The following NRXN3 variants were observed in gnomAD, a reference collection of about 807,000 sequenced individuals.
NRXN3 encodes the protein neurexin 3, also known as neurexin III.
Under a neutral mutation model 137.6 loss-of-function variants are expected in NRXN3, and 32 were observed. That is an observed-to-expected ratio of 0.23 (90% confidence interval 0.18 to 0.31). NRXN3 has a LOEUF of 0.31. Ranked by LOEUF, NRXN3 falls within the 10% of genes least tolerant of loss-of-function variation. The pLI is 1.00. For synonymous variants in NRXN3, 798 were observed against 784.5 expected (o/e 1.02, Z -0.29); for missense variants, 1,574 against 2,062.5 (o/e 0.76, Z 4.59).
intron 8 of NRXN3, among the ~76,000 whole-genome samples, chr14:78,731,621 G>A (rs1595288052): frequency 6.6e-6 from 1 of 150,848 alleles, no homozygotes; most frequent in Non-Finnish European, 1.5e-5. Context: ...GTGTGTGTGT[G>A]TGTGTGTCTC....
intron 15 of NRXN3, among the ~76,000 whole-genome samples, chr14:79,358,055 G>C (rs2093488203): frequency 1.3e-5 from 2 of 152,164 alleles, no homozygotes; most frequent in African/African-American, 4.8e-5. Context: ...ATACACAGGA[G>C]ACTGTGTAAT....
intron 4 of NRXN3, among the ~76,000 whole-genome samples, chr14:78,437,961 C>A (rs1472056011): frequency 6.6e-6 from 1 of 152,088 alleles, no homozygotes; most frequent in East Asian, 1.9e-4. Context: ...TTAGAAAGAT[C>A]TTTCTGGTGG....
chr14:78,376,648 A>C (rs2087904001), intron 4 of NRXN3, among the ~76,000 whole-genome samples: 1 of 152,226 alleles, frequency 6.6e-6, no homozygotes, highest in African/African-American at 2.4e-5. Flanking sequence ...AAAGAAGCTG[A>C]AAAGCTGGAA....
At chr14:79,462,956 T>G (rs2096372381) in intron 15 of NRXN3, among the ~76,000 whole-genome samples, 1 of 85,622 alleles carries the variant, frequency 1.2e-5, no homozygotes, top group Non-Finnish European at 2.2e-5. Flanking sequence ...AAGTGAATCT[T>G]AAGACAAGAA....
At chr14:78,335,071 C>G (rs771898511) in intron 4 of NRXN3, among the ~76,000 whole-genome samples, 9 of 152,114 alleles carry the variant, frequency 5.9e-5, no homozygotes, top group Non-Finnish European at 1.2e-4. Context: ...CAAGGCCACT[C>G]TTCTCTAGTT....
intron 15 of NRXN3, among the ~76,000 whole-genome samples, chr14:79,424,253 A>G (rs191538104): frequency 2.0e-5 from 3 of 152,320 alleles, no homozygotes; most frequent in East Asian, 3.9e-4. Context: ...ATTCATTAAA[A>G]CAAATATTAA....
chr14:79,866,621 G>C lies in NRXN3; in HGVS notation c.*4657G>C, dbSNP rs1378432565. ...GAAATCATGTCAATGAATGGGAAGA[G>C]AGAAATGGGAGAATAGCTTGAGAAG... On this transcript the variant is annotated 3_prime_UTR_variant, in exon 21 of 21. Transcript: ENST00000335750. The C allele has an allele frequency of 6.6e-6, 1 of 152,212 alleles. No individual in the cohort carries two copies. The highest frequency in any genetic ancestry group is 1.5e-5 in the Non-Finnish European group (1 of 68,046). The allele number at this position is 152,212 out of a possible 1,614,324, so 9.4% of individuals were successfully genotyped here. A position where few individuals can be genotyped will look rare whatever the true frequency, so the allele number is the denominator to read the frequency against.
At chr14:78,423,254 T>C (rs942313794) in intron 4 of NRXN3, among the ~76,000 whole-genome samples, 3 of 152,122 alleles carry the variant, frequency 2.0e-5, no homozygotes, top group Non-Finnish European at 4.4e-5. Flanking sequence ...ACATAGGCTA[T>C]TAGGGGAAGG....
At chr14:79,399,870 T>A (rs2095140031) in intron 15 of NRXN3, among the ~76,000 whole-genome samples, 1 of 152,090 alleles carries the variant, frequency 6.6e-6, no homozygotes, top group Non-Finnish European at 1.5e-5. Context: ...AGGGGAGAAT[T>A]CTTCCTTGCC....
At chr14:79,485,996 A>C (rs2153647048) in intron 16 of NRXN3, among the ~76,000 whole-genome samples, 1 of 152,208 alleles carries the variant, frequency 6.6e-6, no homozygotes, top group Admixed American at 6.5e-5. Flanking sequence ...TCCATAGTAC[A>C]TGAGCTCTTA....
intron 15 of NRXN3, among the ~76,000 whole-genome samples, chr14:79,346,576 A>G (rs924651197): frequency 2.6e-5 from 4 of 152,196 alleles, no homozygotes; most frequent in African/African-American, 9.7e-5. Context: ...AAATCTTTAC[A>G]TGATCACTGC....
chr14:78,526,113 C>T (rs774451552), intron 4 of NRXN3, among the ~76,000 whole-genome samples: 19 of 152,186 alleles, frequency 1.2e-4, no homozygotes, highest in East Asian at 3.9e-4. Context: ...CCTAGATAGC[C>T]GCATAATTAC....
chr14:78,427,649 T>C (rs1265148651), intron 4 of NRXN3, among the ~76,000 whole-genome samples: 2 of 152,184 alleles, frequency 1.3e-5, no homozygotes, highest in African/African-American at 4.8e-5. Flanking sequence ...TCATTGCTGA[T>C]GTCACAGAGC....
intron 4 of NRXN3, among the ~76,000 whole-genome samples, chr14:78,345,163 G>C (rs2082576826): frequency 6.6e-6 from 1 of 152,124 alleles, no homozygotes; most frequent in Non-Finnish European, 1.5e-5. Flanking sequence ...CCCACACTTG[G>C]GGGGCAGCTG....
intron 4 of NRXN3, among the ~76,000 whole-genome samples, chr14:78,619,824 G>A (rs2097382254): frequency 6.6e-6 from 1 of 152,032 alleles, no homozygotes; most frequent in Non-Finnish European, 1.5e-5. Flanking sequence ...GTTCTTTACA[G>A]CAGTAGAAAA....
At chr14:79,540,808 G>A (rs2097264839) in intron 16 of NRXN3, among the ~76,000 whole-genome samples, 1 of 152,204 alleles carries the variant, frequency 6.6e-6, no homozygotes, top group Non-Finnish European at 1.5e-5. Context: ...TGGCTAAGAG[G>A]TTAGTGTGGA....
intron 15 of NRXN3, among the ~76,000 whole-genome samples, chr14:79,260,836 A>G (rs1251752035): frequency 6.6e-6 from 1 of 152,182 alleles, no homozygotes; most frequent in Non-Finnish European, 1.5e-5. Context: ...TAGTCAAGAG[A>G]TACTATAGTC....
At chr14:78,715,180 G>A (rs1403692607) in intron 8 of NRXN3, 41 bp downstream of exon 8, 12 of 1,580,738 alleles carry the variant, frequency 7.6e-6, no homozygotes, top group South Asian at 1.1e-5. Context: ...GCCTGAGTGG[G>A]GCTGATGTGT....
intron 15 of NRXN3, among the ~76,000 whole-genome samples, chr14:79,226,846 T>C (rs7152685): frequency 0.064 from 9,003 of 141,740 alleles, 592 homozygotes; most frequent in African/African-American, 0.16. Flanking sequence ...GACAGAGTCT[T>C]GCTCTTTTGC....
Sources: allele counts gnomAD v4.1 joint callset (sites outside exome capture counted in the v4.1 genomes callset), GRCh38; gene constraint gnomAD v4.1.1; transcripts MANE v1.5; gene names NCBI Gene and HGNC (gene_info 2026-07-23, HGNC 2026-07-21).